The following PHC1 variants were observed in gnomAD, a reference collection of about 807,000 sequenced individuals.
The protein encoded by PHC1 is polyhomeotic homolog 1.
In PHC1, 12 loss-of-function variants were observed where a neutral mutation model predicts 104.3. The observed-to-expected ratio is 0.12, with a 90% confidence interval of 0.07 to 0.19. The LOEUF (loss-of-function observed/expected upper bound fraction) is 0.19. PHC1 is among the 10% of genes least tolerant of loss of function. The pLI is 1.00. For synonymous variants in PHC1, 302 were observed against 455.8 expected, an observed-to-expected ratio of 0.66 and a Z score of 4.30; for missense variants, 671 against 1,200.0, an observed-to-expected ratio of 0.56 and a Z score of 6.51.
rs745763703 is a variant in PHC1 at position 8,922,642 on chromosome 12, G to C, written c.466G>C (p.Gly156Arg). The change falls in exon 6 of 15, where the codon GGA becomes CGA. Residue 156 changes from glycine to arginine, a missense_variant. Gly to Arg is a moderately radical substitution (Grantham distance 125, BLOSUM62 -2). Transcript: ENST00000544916. ...TTCCTCTCCTTGCCAGCCACAGCTG[G>C]GAAACCTATTGCAGGTAAACCGAAC... ...QAQMYLRPQL[G>R]NLLQVNRTLG... The C allele has an allele frequency of 4.4e-6, 7 of 1,573,292 alleles. No individual in the cohort carries two copies. The highest frequency in any genetic ancestry group is 6.0e-6 in the Non-Finnish European group (7 of 1,158,736).
chr12:8,926,896 C>T (rs764803874), intron 6 of PHC1, among the ~76,000 whole-genome samples: 1 of 150,340 alleles, frequency 6.7e-6, no homozygotes, highest in Non-Finnish European at 1.5e-5. Flanking sequence ...GCCTGGGCAA[C>T]GAGGGCGAAA....
chr12:8,918,803 G>A (rs763900530), intron 2 of PHC1, among the ~76,000 whole-genome samples: 12 of 152,218 alleles, frequency 7.9e-5, no homozygotes, highest in African/African-American at 2.6e-4. Context: ...TTACATTCAC[G>A]CGTCACTTAA....
chr12:8,921,032 T>C lies in PHC1; in HGVS notation c.273T>C (p.Thr91=). 1 of 1,613,692 alleles carries C rather than the reference T, an allele frequency of 6.2e-7. No individual in the cohort carries two copies. The highest frequency in any genetic ancestry group is 8.5e-7 in the Non-Finnish European group (1 of 1,179,862). Residue 91 remains threonine, a synonymous_variant, in exon 4 of 15, where the codon ACT becomes ACC. Coordinates refer to ENST00000544916, the MANE Select transcript of PHC1 (RefSeq NM_004426.3). ...SRQASSPNTS[T]TQQQTTTTQA... ...AGGCCAGCTCCCCAAACACCAGCAC[T>C]ACACAGCAGCAGACTACCACCACCC...
chr12:8,921,132 T>C, intron 4 of PHC1, 67 bp downstream of exon 4: 1 of 1,184,776 alleles, frequency 8.4e-7, no homozygotes, highest in Non-Finnish European at 1.2e-6. Context: ...TAAATTACTT[T>C]GTGCCGCTGA....
intron 7 of PHC1, among the ~76,000 whole-genome samples, chr12:8,931,706 C>T (rs1014643017): frequency 4.6e-5 from 7 of 152,124 alleles, no homozygotes; most frequent in Non-Finnish European, 1.0e-4. Context: ...ATAGTTTATA[C>T]TTGCTTTCAG....
At chr12:8,921,860 C>T (rs1179242151) in intron 5 of PHC1, 110 bp downstream of exon 5, 10 of 1,081,694 alleles carry the variant, frequency 9.2e-6, no homozygotes, top group Non-Finnish European at 1.3e-5. Flanking sequence ...GTCACCCAGG[C>T]TGGAGTGCAG....
At chr12:8,927,661 TG>T (rs1218276094) in intron 6 of PHC1, among the ~76,000 whole-genome samples, 7 of 151,616 alleles carry the variant, frequency 4.6e-5, no homozygotes, top group Non-Finnish European at 1.5e-5. Context: ...AGGGAGAGAG[TG>T]GGAAAGTTTG....
chr12:8,937,969 G>A lies in PHC1; in HGVS notation c.2769G>A (p.Pro923=), dbSNP rs752780696. ...LGNPNTAPPT[P]ELHGINPVFL... ...ATCCCAATACAGCTCCACCTACACC[G>A]GAATTACATGGCATCAACCCTGTGT... is the stretch of plus-strand genomic sequence containing the variant. The change falls in exon 14 of 15, where the codon CCG becomes CCA. Residue 923 remains proline, a synonymous_variant. Transcript: ENST00000544916. 1.0e-5 allele frequency: 16 copies of A among 1,603,798 alleles called. No individual in the cohort carries two copies. The highest frequency in any genetic ancestry group is 5.0e-5 in the Admixed American group (3 of 59,804).
intron 5 of PHC1, among the ~76,000 whole-genome samples, chr12:8,922,054 T>TCCA (rs1380473340): frequency 6.6e-6 from 1 of 152,180 alleles, no homozygotes; most frequent in African/African-American, 2.4e-5. Context: ...CCTCAGGTGA[T>TCCA]CCACCCGCCT....
rs1177300827 is a variant in PHC1, at chr12:8,919,174, C to T, written c.115-582C>T. Among the ~76,000 whole-genome samples, 3 of 152,208 alleles carry T rather than the reference C, an allele frequency of 2.0e-5. No homozygotes were observed. Among genetic ancestry groups the T allele is most frequent in the Admixed American group, 1.3e-4 (2 of 15,276 alleles). ...TCCCAGGTTCAAGCAATTCTCCTACCTCAGCCTCCCTAGTAGTTGGGATTA... is the reference window on the plus strand; with the variant it reads ...TCCCAGGTTCAAGCAATTCTCCTACTTCAGCCTCCCTAGTAGTTGGGATTA... On this transcript the variant is annotated intron_variant, in intron 2 of 14. Coordinates refer to ENST00000544916, the MANE Select transcript of PHC1 (RefSeq NM_004426.3). The surrounding 1 kb of genome is among the most constrained non-coding windows in gnomAD (Gnocchi z 4.9).
intron 6 of PHC1, among the ~76,000 whole-genome samples, chr12:8,925,221 C>G (rs1945483265): frequency 6.6e-6 from 1 of 152,096 alleles, no homozygotes; most frequent in Non-Finnish European, 1.5e-5. Context: ...ATATACCTAC[C>G]TCAGGATGTG....
intron 5 of PHC1, 93 bp from the exon 6 acceptor site, chr12:8,922,540 T>C (rs1945395309): frequency 9.0e-7 from 1 of 1,114,126 alleles, no homozygotes. Context: ...TAATATCTTC[T>C]GTTTATTTTG....
chr12:8,938,840 T>C (rs1489045494), intron 14 of PHC1, among the ~76,000 whole-genome samples: 1 of 151,998 alleles, frequency 6.6e-6, no homozygotes, highest in Non-Finnish European at 1.5e-5. Flanking sequence ...TTGTTGTTGT[T>C]TTGAGACAGA....
At chr12:8,938,101 T>A in intron 14 of PHC1, 41 bp downstream of exon 14, 1 of 1,403,530 alleles carries the variant, frequency 7.1e-7, no homozygotes, top group Non-Finnish European at 1.0e-6. Flanking sequence ...TTGTTTTCCT[T>A]AACATCATCC....
chr12:8,932,548 G>C lies in PHC1; in HGVS notation c.1106-15G>C. 1 of 1,610,804 alleles carries C rather than the reference G, an allele frequency of 6.2e-7. No individual in the cohort carries two copies. The highest frequency in any genetic ancestry group is 8.5e-7 in the Non-Finnish European group (1 of 1,177,322). ...TCTTTTTTCTCTCTGTTGTATTCTG[G>C]GATTGTTCCTATAGCCACCTACACA... On this transcript the variant is annotated splice_polypyrimidine_tract_variant and intron_variant, in intron 7 of 14. Transcript: ENST00000544916.
In PHC1 at chr12:8,939,443, T is replaced by A. The variant is rs200770478; in HGVS notation, c.2999T>A (p.Val1000Asp). ...CTCAAGATCTGCGCCAAGATAAATG[T>A]CCTCAAGGAGACCTAAGGTGGCCCT... ...PALKICAKIN[V>D]LKET Residue 1000 changes from valine (V) to aspartate (D), a missense_variant, in exon 15 of 15, where the codon GTC becomes GAC. By Grantham distance (152) the Val-to-Asp change is radical (BLOSUM62 -3). This residue lies in a region of PHC1 where 10 missense variants were observed against 48.3 expected (regional missense o/e 0.21). Transcript: ENST00000544916. 276 of 1,584,600 alleles carry A rather than the reference T, an allele frequency of 1.7e-4. 1 individual carries two copies. Among genetic ancestry groups the A allele is most frequent in the Admixed American group, 3.4e-4 (19 of 56,358 alleles).
Position 8,919,954 on chromosome 12 carries a change from A to G in PHC1, c.225+88A>G. The G allele has an allele frequency of 1.3e-6, 2 of 1,534,740 alleles. No individual in the cohort carries two copies. The highest frequency in any genetic ancestry group is 1.8e-6 in the Non-Finnish European group (2 of 1,133,144). On this transcript the variant is annotated intron_variant, in intron 3 of 14. Transcript: ENST00000544916. This position sits in a 1 kb window ranked among gnomAD's most constrained non-coding sequence, Gnocchi z 4.9. ...AGATTTTTTGGGCATATAGCATCCT[A>G]TACTAAGCCAGGCTGCAGACAGCCT...
Position 8,934,562 on chromosome 12 carries a change from G to A in PHC1, c.2253+84G>A, listed in dbSNP as rs1217993243. 3.3e-6 allele frequency: 3 copies of A among 909,866 alleles called. No homozygotes were observed. In the East Asian group the frequency reaches 7.3e-5, roughly 22 times the overall value. The allele number at this position is 909,866 out of a possible 1,614,324, so 56.4% of individuals were successfully genotyped here. A position where few individuals can be genotyped will look rare whatever the true frequency, so the allele number is the denominator to read the frequency against. The stretch of plus-strand genomic sequence containing the variant: ...TTTCAAACTCCAGTAAAAGTAAAAG[G>A]CACAGAACTATTTAATGAAAGAATG... On this transcript the variant is annotated intron_variant, in intron 10 of 14. Transcript: ENST00000544916.
chr12:8,924,466 A>T (rs1233477405), intron 6 of PHC1, among the ~76,000 whole-genome samples: 1 of 152,082 alleles, frequency 6.6e-6, no homozygotes, highest in Non-Finnish European at 1.5e-5. Flanking sequence ...ACAGAGTGAG[A>T]CTCCGTCTCC....
Sources: gnomAD v4.1 joint callset for allele counts (sites outside exome capture counted in the v4.1 genomes callset) on GRCh38, gnomAD v4.1.1 for gene constraint, gnomAD v4.1.1 regional missense constraint, Gnocchi (gnomAD v3.1) non-coding constraint, MANE v1.5 for transcripts, NCBI Gene and HGNC (gene_info 2026-07-23, HGNC 2026-07-21) for gene names.